The following THSD7A variants were observed in gnomAD, a reference collection of about 807,000 sequenced individuals.
The protein encoded by THSD7A is thrombospondin type-1 domain-containing protein 7A.
A neutral mutation model predicts 231.3 loss-of-function variants in THSD7A; 96 were observed. The ratio of observed to expected loss-of-function variants is 0.41; its 90% CI spans 0.35 to 0.49. THSD7A has a LOEUF of 0.49. THSD7A is among the 20% of genes least tolerant of loss of function. The probability of loss-of-function intolerance (pLI) is 0.05; values close to 1 mark genes in which losing one functional copy is unlikely to be tolerated. For missense variants in THSD7A, 2,290 were observed against 2,070.2 expected, an observed-to-expected ratio of 1.11 and a Z score of -2.06; for synonymous variants, 940 against 743.3, an observed-to-expected ratio of 1.26 and a Z score of -4.30.
chr7:11,482,343 T>A (rs1226206473), intron 6 of THSD7A, among the ~76,000 whole-genome samples: 1 of 152,208 alleles, frequency 6.6e-6, no homozygotes. Flanking sequence ...CTCTTTCTTT[T>A]TTGGAGATGA....
chr7:11,734,274 G>T lies in THSD7A; in HGVS notation c.191-97313C>A, dbSNP rs1526540. On this transcript the variant is annotated intron_variant, in intron 1 of 27. Transcript: ENST00000423059. ...CCAAACCATGCACACACCACAGGCA[G>T]GTGAATTATTCCCGTTGCACAACCT... is the stretch of plus-strand genomic sequence containing the variant. 1.1e-4 allele frequency among the ~76,000 whole-genome samples: 16 copies of T among 151,862 alleles called. 1 individual carries two copies. In the South Asian group the frequency reaches 3.1e-3, roughly 30 times the overall value.
At chr7:11,507,752 G>T (rs1206302572) in intron 6 of THSD7A, among the ~76,000 whole-genome samples, 1 of 151,952 alleles carries the variant, frequency 6.6e-6, no homozygotes, top group Non-Finnish European at 1.5e-5. Flanking sequence ...GAAATATTTG[G>T]TTTTTATTGT....
intron 1 of THSD7A, among the ~76,000 whole-genome samples, chr7:11,818,101 G>A (rs1424940769): frequency 3.3e-5 from 5 of 152,156 alleles, no homozygotes; most frequent in East Asian, 1.9e-4. Context: ...CACCATTTGT[G>A]TTCTGATACC....
intron 23 of THSD7A, among the ~76,000 whole-genome samples, chr7:11,390,938 A>G (rs1782955975): frequency 6.6e-6 from 1 of 152,206 alleles, no homozygotes. Flanking sequence ...ACAGAACAGC[A>G]AAGATTGCTG....
intron 1 of THSD7A, among the ~76,000 whole-genome samples, chr7:11,734,948 T>G (rs900708922): frequency 3.9e-5 from 6 of 151,980 alleles, no homozygotes; most frequent in Non-Finnish European, 5.9e-5. Context: ...TTGATTATAT[T>G]ATTTTTACTG....
chr7:11,469,757 A>C (rs1785858181), intron 9 of THSD7A, 122 bp downstream of exon 9: 1 of 600,866 alleles, frequency 1.7e-6, no homozygotes, highest in Non-Finnish European at 3.0e-6. Context: ...TATGGCATGC[A>C]TGTCAAATCA....
chr7:11,693,459 GACTT>G lies in THSD7A; in HGVS notation c.191-56502_191-56499del, dbSNP rs1436326166. ...AAAATAAAGCTCAGGAAGTTTAACT[GACTT>G]ACTCAGTTCATCAGCCAGAAAATGG... is the stretch of plus-strand genomic sequence containing the variant. On this transcript the variant is annotated intron_variant, in intron 1 of 27. Transcript: ENST00000423059. Among the ~76,000 whole-genome samples, 5 of 151,598 alleles carry G rather than the reference GACTT, an allele frequency of 3.3e-5. No homozygotes were observed. In the East Asian group the frequency reaches 9.8e-4, roughly 30 times the overall value.
intron 1 of THSD7A, among the ~76,000 whole-genome samples, chr7:11,824,335 A>T (rs1055447830): frequency 6.6e-6 from 1 of 152,044 alleles, no homozygotes; most frequent in African/African-American, 2.4e-5. Flanking sequence ...CAGTATTCTC[A>T]TTCTAACTCA....
intron 4 of THSD7A, among the ~76,000 whole-genome samples, chr7:11,563,770 A>G (rs1401035990): frequency 6.6e-6 from 1 of 152,168 alleles, no homozygotes; most frequent in East Asian, 1.9e-4. Context: ...ATCATAATCA[A>G]TATCTTCAGT....
rs1296337908 is a variant in THSD7A at position 11,643,251 on chromosome 7, T to G, written c.191-6290A>C. 2.0e-5 allele frequency among the ~76,000 whole-genome samples: 3 copies of G among 152,070 alleles called. No homozygotes were observed. In the East Asian group the frequency reaches 5.8e-4, roughly 29 times the overall value. On this transcript the variant is annotated intron_variant, in intron 1 of 27. Coordinates refer to ENST00000423059, the MANE Select transcript of THSD7A (RefSeq NM_015204.3). Reference sequence around the variant, plus strand: ...AAGATCAAGGAGTACATAAACAGCTTAGTAATATACTAAATTCTGTCTCTT... The same window carrying G: ...AAGATCAAGGAGTACATAAACAGCTGAGTAATATACTAAATTCTGTCTCTT...
chr7:11,402,473 A>G (rs188114042), intron 22 of THSD7A, among the ~76,000 whole-genome samples: 168 of 152,338 alleles, frequency 1.1e-3, no homozygotes, highest in African/African-American at 3.9e-3. Flanking sequence ...GAGAGAGACA[A>G]CTGAGCAGTT....
Position 11,636,200 on chromosome 7 carries a change from C to T in THSD7A, c.952G>A (p.Asp318Asn). The T allele has an allele frequency of 5.6e-6, 9 of 1,613,990 alleles. No homozygotes were observed. Among genetic ancestry groups the T allele is most frequent in the South Asian group, 1.1e-5 (1 of 91,072 alleles). The change falls in exon 2 of 28, where the codon GAC becomes AAC. Residue 318 changes from aspartate (D) to asparagine (N), a missense_variant. By Grantham distance (23) the Asp-to-Asn change is conservative (BLOSUM62 1). Transcript: ENST00000423059. The surrounding 1 kb of genome is among the most constrained non-coding windows in gnomAD (Gnocchi z 10.0). ...CTGGTCTGATATCCAATCTGGATGTCCCAATATTTGTTCTCTTGTCTGTTC... is the reference window on the plus strand; with the variant it reads ...CTGGTCTGATATCCAATCTGGATGTTCCAATATTTGTTCTCTTGTCTGTTC... ...RQNRQENKYW[D>N]IQIGYQTREV...
At position 11,520,226 on chromosome 7, in the gene THSD7A, T is replaced by C. The variant is rs1788205456; in HGVS notation, c.1822+21193A>G. ...AGTCAAATAGAGGTGAGTTTTAAACTGTTTGCAAGCTGCACAATCTAAGTT... is the reference window on the plus strand; with the variant it reads ...AGTCAAATAGAGGTGAGTTTTAAACCGTTTGCAAGCTGCACAATCTAAGTT... On this transcript the variant is annotated intron_variant, in intron 6 of 27. Transcript: ENST00000423059. The C allele has an allele frequency of 2.6e-5, 4 of 152,320 alleles. No homozygotes were observed. The South Asian group carries it at 8.3e-4, about 32-fold the overall frequency. The allele number at this position is 152,320 out of a possible 1,614,324, so 9.4% of individuals were successfully genotyped here. A position where few individuals can be genotyped will look rare whatever the true frequency, so the allele number is the denominator to read the frequency against.
At position 11,807,840 on chromosome 7, in the gene THSD7A, G is replaced by A. The variant is rs537289669; in HGVS notation, c.190+23917C>T. Among the ~76,000 whole-genome samples the A allele has an allele frequency of 2.6e-5, 4 of 152,234 alleles. No homozygotes were observed. In the South Asian group the frequency reaches 6.2e-4, roughly 24 times the overall value. Reference sequence around the variant, plus strand: ...AAATTCACTTGTTTTTGCCAAAAATGTTGGTCTCCTGAAAAGCTAACTTTC... The same window carrying A: ...AAATTCACTTGTTTTTGCCAAAAATATTGGTCTCCTGAAAAGCTAACTTTC... On this transcript the variant is annotated intron_variant, in intron 1 of 27. Transcript: ENST00000423059.
intron 6 of THSD7A, among the ~76,000 whole-genome samples, chr7:11,500,534 A>G (rs1422615500): frequency 6.6e-6 from 1 of 152,206 alleles, no homozygotes; most frequent in African/African-American, 2.4e-5. Context: ...GCTGGATAAA[A>G]AAGCAAGACC....
At chr7:11,413,592 C>G (rs2115388859) in intron 17 of THSD7A, among the ~76,000 whole-genome samples, 1 of 152,264 alleles carries the variant, frequency 6.6e-6, no homozygotes, top group East Asian at 1.9e-4. Context: ...GGTGAGCTAA[C>G]TTCAAGAAAC....
At chr7:11,459,630 G>T (rs1785425607) in intron 11 of THSD7A, among the ~76,000 whole-genome samples, 1 of 129,128 alleles carries the variant, frequency 7.7e-6, no homozygotes, top group Non-Finnish European at 1.6e-5. Flanking sequence ...TGTTCCAGAA[G>T]AAGACTTCTA....
intron 4 of THSD7A, among the ~76,000 whole-genome samples, chr7:11,571,872 T>A (rs1790648635): frequency 6.6e-6 from 1 of 152,204 alleles, no homozygotes. Context: ...TAGGGTATTT[T>A]TGCTGTTGTC....
At chr7:11,517,113 C>G (rs1182223493) in intron 6 of THSD7A, among the ~76,000 whole-genome samples, 1 of 152,152 alleles carries the variant, frequency 6.6e-6, no homozygotes, top group Admixed American at 6.5e-5. Context: ...AAGTCTCTCA[C>G]CTTTGCCTGG....
Sources: gnomAD v4.1 joint callset for allele counts (sites outside exome capture counted in the v4.1 genomes callset) on GRCh38, gnomAD v4.1.1 for gene constraint, Gnocchi (gnomAD v3.1) non-coding constraint, MANE v1.5 for transcripts, NCBI Gene and HGNC (gene_info 2026-07-23, HGNC 2026-07-21) for gene names.